Variants in NELL1 observed in about 807,000 individuals in gnomAD.
NELL1 encodes protein kinase C-binding protein NELL1.
NELL1 carries 76 observed loss-of-function variants against 107.4 expected under a neutral mutation model. The observed-to-expected ratio is 0.71, with a 90% CI of 0.59 to 0.86. NELL1 has a LOEUF of 0.86. NELL1 is among the 40% of genes least tolerant of loss of function. The pLI, the probability that NELL1 is intolerant of heterozygous loss-of-function variation, is 0.00. For synonymous variants in NELL1, 353 were observed against 341.2 expected (o/e 1.03, Z -0.38); for missense variants, 1,024 against 1,005.5 (o/e 1.02, Z -0.25).
chr11:21,378,265 GTATA>G (rs5790180), intron 15 of NELL1, among the ~76,000 whole-genome samples: 12,723 of 143,686 alleles, frequency 0.089, 1,747 homozygotes, highest in African/African-American at 0.29. Context: ...GCATATATAT[GTATA>G]TATATATATA....
At chr11:20,933,021 G>C (rs1469044962) in intron 9 of NELL1, among the ~76,000 whole-genome samples, 1 of 152,232 alleles carries the variant, frequency 6.6e-6, no homozygotes, top group East Asian at 1.9e-4. Context: ...AACTGCCAGA[G>C]GGAATTGCAT....
chr11:20,699,369 CT>C (rs1015029045), intron 2 of NELL1, among the ~76,000 whole-genome samples: 12 of 150,256 alleles, frequency 8.0e-5, no homozygotes, highest in African/African-American at 2.7e-4. Flanking sequence ...TTTTCTTTTT[CT>C]TTTTTTTTGA....
intron 12 of NELL1, among the ~76,000 whole-genome samples, chr11:21,101,286 C>G (rs1854803563): frequency 1.3e-5 from 2 of 152,122 alleles, no homozygotes; most frequent in African/African-American, 4.8e-5. Context: ...GTGAATAGTA[C>G]CGCAATAAAC....
At chr11:20,954,265 GTTA>G (rs1294130208) in intron 11 of NELL1, among the ~76,000 whole-genome samples, 1 of 152,192 alleles carries the variant, frequency 6.6e-6, no homozygotes, top group Non-Finnish European at 1.5e-5. Flanking sequence ...AATTATTGCT[GTTA>G]TTACATCTGT....
chr11:21,300,728 C>T (rs79128371), intron 14 of NELL1, among the ~76,000 whole-genome samples: 2,504 of 152,038 alleles, frequency 0.016, 78 homozygotes, highest in African/African-American at 0.057. Context: ...GCACCAATAA[C>T]ATTTTCAAAT....
At chr11:21,271,432 C>A (rs1051467487) in intron 14 of NELL1, among the ~76,000 whole-genome samples, 14 of 152,118 alleles carry the variant, frequency 9.2e-5, no homozygotes, top group Non-Finnish European at 2.9e-5. Flanking sequence ...CAGAAGAAGA[C>A]ATAGATTATC....
chr11:21,032,426 G>A (rs1344284284), intron 12 of NELL1, among the ~76,000 whole-genome samples: 1 of 152,148 alleles, frequency 6.6e-6, no homozygotes, highest in Non-Finnish European at 1.5e-5. Flanking sequence ...ATCTCACTCT[G>A]TTGCCCAGGC....
At chr11:20,736,737 C>T (rs574911343) in intron 2 of NELL1, among the ~76,000 whole-genome samples, 2 of 151,112 alleles carry the variant, frequency 1.3e-5, no homozygotes, top group East Asian at 2.0e-4. Flanking sequence ...TACCCTCCTC[C>T]CCTCCCCCTC....
At chr11:21,191,418 G>A (rs1857046462) in intron 13 of NELL1, among the ~76,000 whole-genome samples, 2 of 151,774 alleles carry the variant, frequency 1.3e-5, no homozygotes, top group South Asian at 2.1e-4. Flanking sequence ...CAAAACAAAA[G>A]AGATATTCCC....
At chr11:21,513,709 A>G (rs1163655376) in intron 15 of NELL1, among the ~76,000 whole-genome samples, 2 of 152,196 alleles carry the variant, frequency 1.3e-5, no homozygotes, top group Admixed American at 6.5e-5. Context: ...CCAATAATCA[A>G]CTTCCAGGCA....
intron 16 of NELL1, among the ~76,000 whole-genome samples, chr11:21,535,983 T>C (rs1032046370): frequency 6.6e-6 from 1 of 152,166 alleles, no homozygotes; most frequent in African/African-American, 2.4e-5. Flanking sequence ...ACATTAAGCA[T>C]GGTGGCTAAA....
In NELL1 at chr11:21,216,845, T is replaced by C. The variant is rs566772747; in HGVS notation, c.1427-12487T>C. On this transcript the variant is annotated intron_variant, in intron 13 of 19. Transcript: ENST00000357134. The stretch of plus-strand genomic sequence containing the variant: ...TGGACTTTGGGTTTTGGGTTAGTGC[T>C]AGAATGAGTTAGGACTTTGGGGGAC... 6.7e-4 allele frequency among the ~76,000 whole-genome samples: 102 copies of C among 152,302 alleles called. 1 individual carries two copies. The highest frequency in any genetic ancestry group is 2.4e-3 in the African/African-American group (99 of 41,570).
chr11:20,837,349 T>C (rs1167798933), intron 3 of NELL1, among the ~76,000 whole-genome samples: 21 of 152,168 alleles, frequency 1.4e-4, no homozygotes, highest in Non-Finnish European at 4.4e-5. Context: ...CATGTTTAGC[T>C]TACTTTAGAT....
At chr11:21,362,219 A>G (rs1590869270) in intron 14 of NELL1, among the ~76,000 whole-genome samples, 1 of 152,194 alleles carries the variant, frequency 6.6e-6, no homozygotes, top group East Asian at 1.9e-4. Context: ...CTTTCCCCAG[A>G]GATGGGACTT....
chr11:21,153,236 C>G (rs1856157728), intron 13 of NELL1, among the ~76,000 whole-genome samples: 1 of 151,966 alleles, frequency 6.6e-6, no homozygotes, highest in Non-Finnish European at 1.5e-5. Flanking sequence ...TTCATTAAGC[C>G]TATCTGAGGT....
chr11:21,170,443 C>A (rs1565094423), intron 13 of NELL1, among the ~76,000 whole-genome samples: 1 of 151,718 alleles, frequency 6.6e-6, no homozygotes, highest in Non-Finnish European at 1.5e-5. Flanking sequence ...AAAGGCTGAT[C>A]CACTTTATGT....
intron 12 of NELL1, among the ~76,000 whole-genome samples, chr11:21,016,211 A>G (rs1852561261): frequency 6.6e-6 from 1 of 152,154 alleles, no homozygotes; most frequent in African/African-American, 2.4e-5. Flanking sequence ...GCTTTGTTTT[A>G]AATGACAAAT....
At chr11:20,989,431 T>G (rs1180709193) in intron 12 of NELL1, among the ~76,000 whole-genome samples, 2 of 152,214 alleles carry the variant, frequency 1.3e-5, no homozygotes, top group Admixed American at 1.3e-4. Context: ...TTGAGACTGC[T>G]TTGACTTCTC....
At chr11:21,094,233 T>C (rs894111604) in intron 12 of NELL1, among the ~76,000 whole-genome samples, 6 of 152,214 alleles carry the variant, frequency 3.9e-5, no homozygotes, top group Non-Finnish European at 8.8e-5. Flanking sequence ...GTGATCTCCT[T>C]GGACTCCATG....
Sources: gnomAD v4.1 joint callset for allele counts (sites outside exome capture counted in the v4.1 genomes callset) on GRCh38, gnomAD v4.1.1 for gene constraint, MANE v1.5 for transcripts, NCBI Gene and HGNC (gene_info 2026-07-23, HGNC 2026-07-21) for gene names.